The following TAFA1 variants were observed in gnomAD, a reference collection of about 807,000 sequenced individuals.
The protein encoded by TAFA1 is TAFA chemokine like family member 1.
Under a neutral mutation model 18.5 loss-of-function variants are expected in TAFA1, and 4 were observed. The ratio of observed to expected loss-of-function variants is 0.22; its 90% confidence interval spans 0.11 to 0.49. The LOEUF (loss-of-function observed/expected upper bound fraction) is 0.49, where lower values mean the gene tolerates loss of function less well. Among genes scored for constraint, TAFA1 ranks in the 20% least tolerant of loss-of-function variants. TAFA1 has a pLI of 0.98. For synonymous variants in TAFA1, 56 were observed against 55.2 expected, an observed-to-expected ratio of 1.01 and a Z score of -0.06; for missense variants, 147 against 169.0, an observed-to-expected ratio of 0.87 and a Z score of 0.72.
At chr3:68,420,960 A>T (rs535500987) in intron 3 of TAFA1, among the ~76,000 whole-genome samples, 5 of 152,252 alleles carry the variant, frequency 3.3e-5, no homozygotes, top group Non-Finnish European at 7.4e-5. Flanking sequence ...AAACAAAACC[A>T]TGATGGTTTC....
intron 3 of TAFA1, among the ~76,000 whole-genome samples, chr3:68,523,040 C>T (rs1354972792): frequency 1.3e-5 from 2 of 151,920 alleles, no homozygotes; most frequent in African/African-American, 4.8e-5. Context: ...CATGCCATTG[C>T]ACTCCAGCCT....
intron 3 of TAFA1, among the ~76,000 whole-genome samples, chr3:68,511,858 G>T (rs551722340): frequency 3.0e-4 from 45 of 152,010 alleles, no homozygotes; most frequent in Admixed American, 2.0e-3. Flanking sequence ...GATACTTGTT[G>T]CATACCTGGA....
intron 2 of TAFA1, among the ~76,000 whole-genome samples, chr3:68,182,399 T>G (rs2066215072): frequency 6.6e-6 from 1 of 152,200 alleles, no homozygotes; most frequent in Admixed American, 6.5e-5. Context: ...ATGTATAGTG[T>G]GATGCATGGT....
chr3:68,388,958 T>C (rs900506162), intron 2 of TAFA1, among the ~76,000 whole-genome samples: 2 of 152,222 alleles, frequency 1.3e-5, no homozygotes, highest in Non-Finnish European at 2.9e-5. Flanking sequence ...TTTATACTTT[T>C]TGAGTGAACT....
At chr3:68,166,423 T>A (rs2065982768) in intron 2 of TAFA1, among the ~76,000 whole-genome samples, 2 of 152,110 alleles carry the variant, frequency 1.3e-5, no homozygotes, top group African/African-American at 4.8e-5. Flanking sequence ...TTCAGACTAG[T>A]CCCTTACAAT....
intron 2 of TAFA1, among the ~76,000 whole-genome samples, chr3:68,369,464 T>C (rs998307620): frequency 6.6e-6 from 1 of 152,248 alleles, no homozygotes; most frequent in Non-Finnish European, 1.5e-5. Flanking sequence ...AGGATATGTG[T>C]ATTTAAACAA....
At chr3:68,053,414 C>T (rs2064496309) in intron 2 of TAFA1, among the ~76,000 whole-genome samples, 1 of 152,114 alleles carries the variant, frequency 6.6e-6, no homozygotes, top group Non-Finnish European at 1.5e-5. Context: ...TGAGCATGAA[C>T]TACCTGTAGA....
At chr3:68,248,899 G>T (rs1234116624) in intron 2 of TAFA1, among the ~76,000 whole-genome samples, 1 of 151,906 alleles carries the variant, frequency 6.6e-6, no homozygotes, top group Non-Finnish European at 1.5e-5. Context: ...GTAGGAAGGC[G>T]AATATGTTGT....
intron 2 of TAFA1, among the ~76,000 whole-genome samples, chr3:68,110,522 T>C (rs1296142415): frequency 6.6e-6 from 1 of 152,140 alleles, no homozygotes; most frequent in East Asian, 1.9e-4. Flanking sequence ...GGTCAAATAG[T>C]ATTTCTGCCT....
chr3:68,195,170 G>A (rs2066395796), intron 2 of TAFA1, among the ~76,000 whole-genome samples: 1 of 150,900 alleles, frequency 6.6e-6, no homozygotes, highest in Non-Finnish European at 1.5e-5. Context: ...CTCTAATTTG[G>A]GGTTTGCCTT....
At chr3:68,023,465 G>C (rs1057253347) in intron 2 of TAFA1, among the ~76,000 whole-genome samples, 4 of 152,060 alleles carry the variant, frequency 2.6e-5, no homozygotes, top group African/African-American at 9.7e-5. Context: ...GGCTTAACCC[G>C]GTAGCAAGGG....
intron 2 of TAFA1, among the ~76,000 whole-genome samples, chr3:68,124,126 T>C (rs907750601): frequency 1.3e-5 from 2 of 152,180 alleles, no homozygotes; most frequent in Non-Finnish European, 2.9e-5. Context: ...TTCTTTTTTT[T>C]ATTTGAAGTA....
intron 2 of TAFA1, among the ~76,000 whole-genome samples, chr3:68,287,419 A>G (rs2068029394): frequency 6.6e-6 from 1 of 152,146 alleles, no homozygotes; most frequent in Admixed American, 6.5e-5. Context: ...GAGAGAACAG[A>G]TGAGTTCCAT....
At chr3:68,101,899 C>T (rs148658618) in intron 2 of TAFA1, among the ~76,000 whole-genome samples, 1 of 152,118 alleles carries the variant, frequency 6.6e-6, no homozygotes, top group East Asian at 1.9e-4. Flanking sequence ...TTTTTTGAGA[C>T]CCAGATTAAC....
At chr3:68,152,400 C>A (rs563957021) in intron 2 of TAFA1, among the ~76,000 whole-genome samples, 1 of 152,142 alleles carries the variant, frequency 6.6e-6, no homozygotes, top group South Asian at 2.1e-4. Flanking sequence ...TTGACAAGTT[C>A]CATAAGAAGT....
intron 2 of TAFA1, among the ~76,000 whole-genome samples, chr3:68,131,668 G>T (rs1191060587): frequency 6.6e-6 from 1 of 152,154 alleles, no homozygotes; most frequent in Non-Finnish European, 1.5e-5. Context: ...GCTGCAGAGG[G>T]GCTGGGCTGC....
At chr3:68,402,819 A>G (rs2070524123) in intron 2 of TAFA1, among the ~76,000 whole-genome samples, 1 of 152,176 alleles carries the variant, frequency 6.6e-6, no homozygotes, top group Non-Finnish European at 1.5e-5. Context: ...GATTTGAAAG[A>G]CTGTATTTCA....
chr3:68,333,540 TGA>T, intron 2 of TAFA1, among the ~76,000 whole-genome samples: 1 of 152,090 alleles, frequency 6.6e-6, no homozygotes, highest in African/African-American at 2.4e-5. Context: ...ACCTGGGTGA[TGA>T]AATAATCTGT....
intron 3 of TAFA1, among the ~76,000 whole-genome samples, chr3:68,534,999 T>G (rs1433524830): frequency 6.6e-6 from 1 of 152,136 alleles, no homozygotes; most frequent in Non-Finnish European, 1.5e-5. Flanking sequence ...GAAAGGCAAT[T>G]TCTTCTCATG....
Sources: allele counts gnomAD v4.1 joint callset (sites outside exome capture counted in the v4.1 genomes callset), GRCh38; gene constraint gnomAD v4.1.1; transcripts MANE v1.5; gene names NCBI Gene and HGNC (gene_info 2026-07-23, HGNC 2026-07-21).